Variants in FAM171A1 observed in about 807,000 individuals in gnomAD.
The protein encoded by FAM171A1 is family with sequence similarity 171 member A1.
FAM171A1 carries 23 observed loss-of-function variants against 74.9 expected under a neutral mutation model. The observed-to-expected ratio is 0.31, with a 90% CI of 0.22 to 0.44. FAM171A1 has a LOEUF of 0.44. Ranked by LOEUF, FAM171A1 falls within the 20% of genes least tolerant of loss-of-function variation. The pLI, the probability that FAM171A1 is intolerant of heterozygous loss-of-function variation, is 1.00. For synonymous variants in FAM171A1, 527 were observed against 505.7 expected, an observed-to-expected ratio of 1.04 and a Z score of -0.57; for missense variants, 1,162 against 1,159.2, an observed-to-expected ratio of 1.00 and a Z score of -0.03.
At chr10:15,323,502 C>T (rs2131850225) in intron 1 of FAM171A1, among the ~76,000 whole-genome samples, 1 of 152,108 alleles carries the variant, frequency 6.6e-6, no homozygotes, top group African/African-American at 2.4e-5. Flanking sequence ...ATAAAGTACA[C>T]CTCTTTTTAA....
chr10:15,220,871 A>G, intron 6 of FAM171A1, 73 bp downstream of exon 6: 1 of 1,063,824 alleles, frequency 9.4e-7, no homozygotes, highest in Non-Finnish European at 1.4e-6. Context: ...TATTTTCAAG[A>G]GCATACTTAG....
chr10:15,278,265 C>T (rs927819185), intron 2 of FAM171A1, among the ~76,000 whole-genome samples: 9 of 152,216 alleles, frequency 5.9e-5, no homozygotes, highest in African/African-American at 2.2e-4. Context: ...AAACAAGTAG[C>T]TGTACGACAC....
In FAM171A1 at chr10:15,214,331, G is replaced by A; in HGVS notation, c.1257C>T (p.Tyr419=). 6.2e-7 allele frequency: 1 copy of A among 1,612,934 alleles called. No homozygotes were observed. The highest frequency in any genetic ancestry group is 8.5e-7 in the Non-Finnish European group (1 of 1,179,438). The change falls in exon 8 of 8, where the codon TAC becomes TAT. Residue 419 remains tyrosine, a synonymous_variant. Transcript: ENST00000378116. ...GGGAGCTAAATTCCTGGGAGGTGCT[G>A]TAGGAGAGCTTGAGCATGGGGGTGT... is the stretch of plus-strand genomic sequence containing the variant. The part of the protein sequence containing the change: ...DLHTPMLKLS[Y]STSQEFSSRE...
chr10:15,274,759 A>G (rs1435391185), intron 3 of FAM171A1, among the ~76,000 whole-genome samples: 1 of 152,214 alleles, frequency 6.6e-6, no homozygotes, highest in African/African-American at 2.4e-5. Context: ...GATCTTTGAC[A>G]AACTTGACAA....
chr10:15,357,952 T>C (rs1835952756), intron 1 of FAM171A1, among the ~76,000 whole-genome samples: 1 of 152,176 alleles, frequency 6.6e-6, no homozygotes, highest in South Asian at 2.1e-4. Context: ...TTCTGAGTCT[T>C]TGTATAAGCA....
intron 1 of FAM171A1, among the ~76,000 whole-genome samples, chr10:15,357,283 AAAAT>A (rs570615164): frequency 3.9e-5 from 6 of 152,194 alleles, no homozygotes; most frequent in Admixed American, 6.5e-5. Flanking sequence ...ACTCCGTCTC[AAAAT>A]AAATAAATAA....
At chr10:15,352,296 A>G (rs990415352) in intron 1 of FAM171A1, among the ~76,000 whole-genome samples, 9 of 152,154 alleles carry the variant, frequency 5.9e-5, no homozygotes, top group African/African-American at 2.2e-4. Context: ...GAAAGGGTTG[A>G]CAAGTATCTA....
chr10:15,311,053 T>A (rs892490086), intron 1 of FAM171A1, among the ~76,000 whole-genome samples: 2 of 152,154 alleles, frequency 1.3e-5, no homozygotes, highest in African/African-American at 4.8e-5. Flanking sequence ...TGCTGGGGCG[T>A]ATCTCTGTTC....
Position 15,371,031 on chromosome 10 carries a change from G to A in FAM171A1, c.22C>T (p.Leu8=), listed in dbSNP as rs1279563802. Residue 8 remains leucine (L), a synonymous_variant, in exon 1 of 8, where the codon CTG becomes TTG. Transcript: ENST00000378116. The part of the protein sequence containing the change: MSRSATL[L]LCLLGCHVWK... ...ACGTGGCAGCCCAGCAGGCACAGCA[G>A]CAGCGTCGCGGACCTGCTCATCTCC... is the stretch of plus-strand genomic sequence containing the variant. The A allele has an allele frequency of 8.5e-7, 1 of 1,174,590 alleles. No homozygotes were observed. Among genetic ancestry groups the A allele is most frequent in the Non-Finnish European group, 1.1e-6 (1 of 928,222 alleles). 72.8% of individuals were successfully genotyped at this position (1,174,590 alleles called of 1,614,324 possible). A position where few individuals can be genotyped will look rare whatever the true frequency, so the allele number is the denominator to read the frequency against.
intron 1 of FAM171A1, among the ~76,000 whole-genome samples, chr10:15,321,769 A>T (rs1373009902): frequency 6.6e-6 from 1 of 152,248 alleles, no homozygotes; most frequent in African/African-American, 2.4e-5. Flanking sequence ...TGTTGCCTGT[A>T]TTTCATATCA....
intron 3 of FAM171A1, among the ~76,000 whole-genome samples, chr10:15,270,966 C>A (rs963965922): frequency 6.6e-6 from 1 of 152,150 alleles, no homozygotes; most frequent in Admixed American, 6.5e-5. Context: ...AAAATCAGAG[C>A]GCCTATTCTC....
At chr10:15,236,527 A>G (rs984463884) in intron 5 of FAM171A1, among the ~76,000 whole-genome samples, 6 of 151,926 alleles carry the variant, frequency 3.9e-5, no homozygotes, top group African/African-American at 1.5e-4. Flanking sequence ...GAGTCACCAG[A>G]GGAGGAGCCG....
intron 1 of FAM171A1, among the ~76,000 whole-genome samples, chr10:15,296,359 CATAAT>C (rs539657595): frequency 3.9e-5 from 6 of 152,076 alleles, no homozygotes; most frequent in South Asian, 4.2e-4. Context: ...ATATGTATCT[CATAAT>C]ATATCATATA....
chr10:15,344,683 T>G (rs768215627), intron 1 of FAM171A1, among the ~76,000 whole-genome samples: 16 of 152,234 alleles, frequency 1.1e-4, no homozygotes, highest in Non-Finnish European at 4.4e-5. Context: ...GCAAATACAA[T>G]TGGTGTCCTG....
At position 15,214,461 on chromosome 10, in the gene FAM171A1, G is replaced by C; in HGVS notation, c.1127C>G (p.Pro376Arg). 6.2e-7 allele frequency: 1 copy of C among 1,614,168 alleles called. No individual in the cohort carries two copies. Among genetic ancestry groups the C allele is most frequent in the Non-Finnish European group, 8.5e-7 (1 of 1,180,038 alleles). Residue 376 changes from proline to arginine, a missense_variant, in exon 8 of 8, where the codon CCG (proline) becomes CGG (arginine). Transcript: ENST00000378116. ...FSRRASEFPGPLSVTSHGRPE... is the reference protein window; with the variant it reads ...FSRRASEFPGRLSVTSHGRPE... ...GCGGCCGTGGCTGGTGACGGACAGC[G>C]GGCCAGGGAATTCTGACGCTCGGCG...
chr10:15,317,173 G>T (rs1234286548), intron 1 of FAM171A1, among the ~76,000 whole-genome samples: 2 of 152,132 alleles, frequency 1.3e-5, no homozygotes, highest in Non-Finnish European at 2.9e-5. Context: ...AAAGAAAGGC[G>T]TATGTTGGGA....
At chr10:15,258,083 G>C (rs1377819036) in intron 3 of FAM171A1, among the ~76,000 whole-genome samples, 1 of 151,830 alleles carries the variant, frequency 6.6e-6, no homozygotes, top group African/African-American at 2.4e-5. Flanking sequence ...TTTTCTCAGA[G>C]AGAGTCTTGC....
chr10:15,335,896 G>T (rs1835694373), intron 1 of FAM171A1, among the ~76,000 whole-genome samples: 1 of 152,108 alleles, frequency 6.6e-6, no homozygotes, highest in African/African-American at 2.4e-5. Context: ...TAATAAAGAT[G>T]AGGCTCATTT....
intron 3 of FAM171A1, among the ~76,000 whole-genome samples, chr10:15,262,008 C>G (rs1834663874): frequency 6.6e-6 from 1 of 152,118 alleles, no homozygotes; most frequent in Non-Finnish European, 1.5e-5. Flanking sequence ...TGAGCTACTC[C>G]AGAGACACAG....
Sources: allele counts gnomAD v4.1 joint callset (sites outside exome capture counted in the v4.1 genomes callset), GRCh38; gene constraint gnomAD v4.1.1; transcripts MANE v1.5; gene names NCBI Gene and HGNC (gene_info 2026-07-23, HGNC 2026-07-21).